SLC35F1: variants seen among roughly 807,000 people sequenced by gnomAD.
SLC35F1 encodes chromosome 6 open reading frame 169.
A neutral mutation model predicts 48.7 loss-of-function variants in SLC35F1; 14 were observed. That is an observed-to-expected ratio of 0.29 (90% CI 0.19 to 0.45). The LOEUF is 0.45. Among genes scored for constraint, SLC35F1 ranks in the 20% least tolerant of loss-of-function variants. SLC35F1 has a pLI of 1.00. For synonymous variants in SLC35F1, 190 were observed against 202.2 expected (o/e 0.94, Z 0.51); for missense variants, 404 against 500.0 (o/e 0.81, Z 1.83).
intron 2 of SLC35F1, among the ~76,000 whole-genome samples, chr6:118,194,218 T>C (rs1774770893): frequency 6.6e-6 from 1 of 152,074 alleles, no homozygotes; most frequent in East Asian, 1.9e-4. Flanking sequence ...AAGCATGCAG[T>C]TTTTACAAAA....
At chr6:117,986,818 G>A (rs1189592945) in intron 1 of SLC35F1, among the ~76,000 whole-genome samples, 1 of 152,202 alleles carries the variant, frequency 6.6e-6, no homozygotes, top group Non-Finnish European at 1.5e-5. Context: ...AAGAGCTTTT[G>A]CTCTCGACAT....
At position 117,942,105 on chromosome 6, in the gene SLC35F1, G is replaced by A. The variant is rs549921380; in HGVS notation, c.173+34206G>A. ...CATTTAATACTCTCAACAACACTTT[G>A]CAGTATCACATCTTTTTACAGACAT... is the stretch of plus-strand genomic sequence containing the variant. On this transcript the variant is annotated intron_variant, in intron 1 of 7. Transcript: ENST00000360388. Among the ~76,000 whole-genome samples, 27 of 152,276 alleles carry A rather than the reference G, an allele frequency of 1.8e-4. 1 individual carries two copies. The highest frequency in any genetic ancestry group is 5.3e-4 in the African/African-American group (22 of 41,560).
chr6:117,911,217 A>AT (rs1562234914), intron 1 of SLC35F1, among the ~76,000 whole-genome samples: 1 of 152,112 alleles, frequency 6.6e-6, no homozygotes, highest in African/African-American at 2.4e-5. Context: ...GGGACATCAC[A>AT]TTTTTTCCCC....
intron 3 of SLC35F1, among the ~76,000 whole-genome samples, chr6:118,238,507 C>A (rs1775396072): frequency 6.6e-6 from 1 of 151,738 alleles, no homozygotes; most frequent in Non-Finnish European, 1.5e-5. Context: ...AAAGGATGAT[C>A]TTCAGGATAG....
intron 1 of SLC35F1, among the ~76,000 whole-genome samples, chr6:117,925,381 C>A (rs1190502784): frequency 6.6e-6 from 1 of 152,082 alleles, no homozygotes; most frequent in Non-Finnish European, 1.5e-5. Flanking sequence ...CACTTTATGA[C>A]CATGAAGGAA....
intron 2 of SLC35F1, among the ~76,000 whole-genome samples, chr6:118,212,794 A>AAGGAAG (rs1562327136): frequency 1.5e-5 from 2 of 136,356 alleles, no homozygotes. Context: ...AAGGAAGGAA[A>AAGGAAG]GAAGGAAGGG....
chr6:118,040,144 C>A (rs1159269334), intron 1 of SLC35F1, among the ~76,000 whole-genome samples: 1 of 152,086 alleles, frequency 6.6e-6, no homozygotes, highest in Non-Finnish European at 1.5e-5. Flanking sequence ...TCTCTTTACC[C>A]TCTGGGATTT....
At chr6:118,231,981 CTA>C (rs995390638) in intron 2 of SLC35F1, among the ~76,000 whole-genome samples, 1 of 152,208 alleles carries the variant, frequency 6.6e-6, no homozygotes, top group African/African-American at 2.4e-5. Context: ...TACATTCTAA[CTA>C]GAAAACAATT....
Position 118,275,461 on chromosome 6 carries a change from G to C in SLC35F1, c.640G>C (p.Glu214Gln). ...VLVGRHQGAG[E>Q]NKLVGDLLVL... is the part of the protein sequence containing the mutation. Reference sequence around the variant, plus strand: ...TTGTTTGTTTGGTTGGTTCCTAGGGGAAAATAAGCTGGTAGGGGACCTTCT... The same window carrying C: ...TTGTTTGTTTGGTTGGTTCCTAGGGCAAAATAAGCTGGTAGGGGACCTTCT... Residue 214 changes from glutamate (E) to glutamine (Q), a missense_variant and splice_region_variant, in exon 5 of 8, where the codon GAA (glutamate) becomes CAA (glutamine). Around this residue, in one of 2 missense-constraint regions of SLC35F1, gnomAD observed 306 missense variants for 419.1 expected, o/e 0.73. Coordinates refer to ENST00000360388, the MANE Select transcript of SLC35F1 (RefSeq NM_001029858.4). 6.2e-7 allele frequency: 1 copy of C among 1,609,916 alleles called. No individual in the cohort carries two copies. Among genetic ancestry groups the C allele is most frequent in the South Asian group, 1.1e-5 (1 of 90,062 alleles).
chr6:118,098,709 G>A (rs1419532205), intron 1 of SLC35F1, among the ~76,000 whole-genome samples: 4 of 152,112 alleles, frequency 2.6e-5, no homozygotes, highest in African/African-American at 9.7e-5. Context: ...CTAAGCTAAT[G>A]TATTTAATTA....
At position 118,079,674 on chromosome 6, in the gene SLC35F1, C is replaced by T. The variant is rs552806464; in HGVS notation, c.174-74771C>T. Among the ~76,000 whole-genome samples the T allele has an allele frequency of 2.6e-5, 4 of 152,264 alleles. No homozygotes were observed. In the South Asian group the frequency reaches 8.3e-4, roughly 32 times the overall value. Reference sequence around the variant, plus strand: ...TCAAATATGCTGGTACGGACATTTTCCTCAGTCTTCTCTCATGTGTCCTGG... The same window carrying T: ...TCAAATATGCTGGTACGGACATTTTTCTCAGTCTTCTCTCATGTGTCCTGG... On this transcript the variant is annotated intron_variant, in intron 1 of 7. Transcript: ENST00000360388.
At chr6:118,313,512 C>T (rs1441815501) in intron 7 of SLC35F1, among the ~76,000 whole-genome samples, 1 of 152,110 alleles carries the variant, frequency 6.6e-6, no homozygotes, top group Non-Finnish European at 1.5e-5. Context: ...AGATATTTAC[C>T]AAAGTCAGTA....
intron 1 of SLC35F1, among the ~76,000 whole-genome samples, chr6:117,929,948 G>A (rs531699623): frequency 6.6e-5 from 10 of 152,212 alleles, no homozygotes; most frequent in African/African-American, 9.6e-5. Flanking sequence ...AAGTTTTTAC[G>A]TTTATTTTCC....
At chr6:118,017,475 C>G (rs1031074436) in intron 1 of SLC35F1, among the ~76,000 whole-genome samples, 2 of 152,198 alleles carry the variant, frequency 1.3e-5, no homozygotes, top group Non-Finnish European at 2.9e-5. Context: ...ATCATCTGCT[C>G]TTGGGCTACC....
intron 3 of SLC35F1, among the ~76,000 whole-genome samples, chr6:118,257,583 A>C (rs1281973724): frequency 6.6e-6 from 1 of 152,214 alleles, no homozygotes; most frequent in Admixed American, 6.5e-5. Context: ...CAAATGTGGC[A>C]GTTTCAAATG....
Position 118,314,288 on chromosome 6 carries a change from T to G in SLC35F1, c.*36T>G. 6.3e-7 allele frequency: 1 copy of G among 1,591,802 alleles called. No homozygotes were observed. Among genetic ancestry groups the G allele is most frequent in the Middle Eastern group, 1.7e-4 (1 of 6,014 alleles). On this transcript the variant is annotated 3_prime_UTR_variant, in exon 8 of 8. Transcript: ENST00000360388. ...GCCCTGCCAACTGAGGCCAACTCAT[T>G]GGCCATGTTTTTGCCCATCATCTCT...
intron 1 of SLC35F1, among the ~76,000 whole-genome samples, chr6:117,957,768 A>G (rs1776445663): frequency 2.0e-5 from 3 of 152,206 alleles, no homozygotes; most frequent in Admixed American, 2.0e-4. Flanking sequence ...TTGTGTAAAC[A>G]AACCTGCTGT....
intron 1 of SLC35F1, among the ~76,000 whole-genome samples, chr6:118,103,547 C>T (rs956399854): frequency 2.0e-5 from 3 of 152,234 alleles, no homozygotes; most frequent in African/African-American, 7.2e-5. Context: ...AGAAGCCTGA[C>T]AGGGCACATT....
intron 1 of SLC35F1, among the ~76,000 whole-genome samples, chr6:117,953,941 G>T (rs1409503471): frequency 6.6e-6 from 1 of 152,222 alleles, no homozygotes. Flanking sequence ...CCCAGGGCAT[G>T]TGGTCAATCT....
Sources: allele counts gnomAD v4.1 joint callset (sites outside exome capture counted in the v4.1 genomes callset), GRCh38; gene constraint gnomAD v4.1.1; regional missense constraint gnomAD v4.1.1; transcripts MANE v1.5; gene names NCBI Gene and HGNC (gene_info 2026-07-23, HGNC 2026-07-21).